SLC9A9: variants seen among roughly 807,000 people sequenced by gnomAD.
SLC9A9 encodes the protein solute carrier family 9 member A9.
In SLC9A9, 62 loss-of-function variants were observed where a neutral mutation model predicts 77.8. That is an observed-to-expected ratio of 0.80 (90% CI 0.65 to 0.98). The LOEUF is 0.98. SLC9A9 is among the 50% of genes least tolerant of loss of function. The pLI is 0.00. For synonymous variants in SLC9A9, 320 were observed against 283.5 expected, an observed-to-expected ratio of 1.13 and a Z score of -1.29; for missense variants, 775 against 774.9, an observed-to-expected ratio of 1.00 and a Z score of 0.00.
At chr3:143,408,206 T>G (rs1169367487) in intron 12 of SLC9A9, among the ~76,000 whole-genome samples, 1 of 152,192 alleles carries the variant, frequency 6.6e-6, no homozygotes, top group Non-Finnish European at 1.5e-5. Flanking sequence ...AGAATCTGGC[T>G]GGGGGATGTG....
At chr3:143,730,514 T>C (rs1048855750) in intron 4 of SLC9A9, among the ~76,000 whole-genome samples, 2 of 152,172 alleles carry the variant, frequency 1.3e-5, no homozygotes, top group Non-Finnish European at 2.9e-5. Context: ...CTGGCCAAGT[T>C]CTGATCATTC....
intron 14 of SLC9A9, among the ~76,000 whole-genome samples, chr3:143,300,309 T>C (rs950017591): frequency 4.6e-5 from 7 of 152,192 alleles, no homozygotes; most frequent in African/African-American, 1.7e-4. Context: ...GTAGAGCACT[T>C]GACATGCATA....
intron 6 of SLC9A9, among the ~76,000 whole-genome samples, chr3:143,596,115 G>C (rs1225228046): frequency 3.9e-5 from 6 of 152,114 alleles, no homozygotes; most frequent in Non-Finnish European, 8.8e-5. Flanking sequence ...AAACAAACCA[G>C]GGTACGACAT....
At chr3:143,502,748 G>C (rs985997510) in intron 9 of SLC9A9, among the ~76,000 whole-genome samples, 1 of 151,990 alleles carries the variant, frequency 6.6e-6, no homozygotes, top group African/African-American at 2.4e-5. Flanking sequence ...CGTTGAAACC[G>C]AGATGTTAAA....
intron 9 of SLC9A9, among the ~76,000 whole-genome samples, chr3:143,550,373 T>C (rs577989603): frequency 1.3e-5 from 2 of 152,286 alleles, no homozygotes; most frequent in South Asian, 2.1e-4. Context: ...TTCTCCATCA[T>C]TGCCTATGTC....
intron 5 of SLC9A9, among the ~76,000 whole-genome samples, chr3:143,690,895 A>G (rs2108780718): frequency 6.6e-6 from 1 of 152,320 alleles, no homozygotes; most frequent in South Asian, 2.1e-4. Context: ...TAATAAATGC[A>G]AAAGGTAGGA....
chr3:143,752,965 A>G (rs1279020220), intron 4 of SLC9A9, among the ~76,000 whole-genome samples: 3 of 152,180 alleles, frequency 2.0e-5, no homozygotes, highest in African/African-American at 7.2e-5. Context: ...TGATGATCCT[A>G]TTCTGAAAAG....
intron 4 of SLC9A9, among the ~76,000 whole-genome samples, chr3:143,739,048 G>T (rs1241642704): frequency 6.6e-6 from 1 of 152,138 alleles, no homozygotes; most frequent in African/African-American, 2.4e-5. Flanking sequence ...TCAATCTCCA[G>T]CCTGTCTCTC....
At chr3:143,686,449 C>A (rs1933267664) in intron 5 of SLC9A9, among the ~76,000 whole-genome samples, 1 of 151,946 alleles carries the variant, frequency 6.6e-6, no homozygotes, top group Non-Finnish European at 1.5e-5. Flanking sequence ...GGTGTCTGGG[C>A]AAGGGGGTGC....
chr3:143,607,097 C>CA (rs1222995862), intron 6 of SLC9A9, among the ~76,000 whole-genome samples: 1 of 151,102 alleles, frequency 6.6e-6, no homozygotes, highest in Admixed American at 6.6e-5. Flanking sequence ...AAAATAAATA[C>CA]AAAAAAATAT....
intron 5 of SLC9A9, among the ~76,000 whole-genome samples, chr3:143,681,329 G>C (rs182576615): frequency 6.6e-6 from 1 of 151,956 alleles, no homozygotes; most frequent in East Asian, 1.9e-4. Context: ...TATTAGTAAC[G>C]CTGCCGCATA....
At chr3:143,702,551 C>CA (rs34465744) in intron 4 of SLC9A9, among the ~76,000 whole-genome samples, 15 of 150,598 alleles carry the variant, frequency 1.0e-4, no homozygotes, top group Admixed American at 2.0e-4. Flanking sequence ...AACTGCAAAT[C>CA]AAAAAAAAAT....
At chr3:143,839,104 G>A (rs1036679131) in intron 1 of SLC9A9, among the ~76,000 whole-genome samples, 9 of 152,064 alleles carry the variant, frequency 5.9e-5, no homozygotes, top group Non-Finnish European at 1.2e-4. Flanking sequence ...TAGTAACAAC[G>A]TACAATGCCT....
intron 12 of SLC9A9, among the ~76,000 whole-genome samples, chr3:143,395,219 C>T (rs2033696943): frequency 6.6e-6 from 1 of 152,126 alleles, no homozygotes; most frequent in Non-Finnish European, 1.5e-5. Context: ...CTACAGTAAC[C>T]AAAACAGCAT....
intron 14 of SLC9A9, among the ~76,000 whole-genome samples, chr3:143,325,959 T>C (rs2031589282): frequency 6.6e-6 from 1 of 152,224 alleles, no homozygotes; most frequent in South Asian, 2.1e-4. Flanking sequence ...ATATCTGTTT[T>C]TTAATGGTTG....
At chr3:143,400,658 C>T (rs928625741) in intron 12 of SLC9A9, among the ~76,000 whole-genome samples, 1 of 150,728 alleles carries the variant, frequency 6.6e-6, no homozygotes, top group African/African-American at 2.4e-5. Context: ...TAAGCAAATA[C>T]CACCTGTTTC....
At chr3:143,602,523 A>G (rs934435065) in intron 6 of SLC9A9, among the ~76,000 whole-genome samples, 41 of 152,242 alleles carry the variant, frequency 2.7e-4, no homozygotes, top group Non-Finnish European at 5.3e-4. Context: ...ATGCTTAAAT[A>G]TCTTAATTTA....
At chr3:143,538,269 C>G (rs974044237) in intron 9 of SLC9A9, among the ~76,000 whole-genome samples, 1 of 152,116 alleles carries the variant, frequency 6.6e-6, no homozygotes, top group Admixed American at 6.5e-5. Context: ...CTTTTAGTCT[C>G]TAGTATGCTT....
chr3:143,562,359 G>C (rs1185522827), intron 8 of SLC9A9, among the ~76,000 whole-genome samples: 2 of 152,124 alleles, frequency 1.3e-5, no homozygotes, highest in African/African-American at 4.8e-5. Flanking sequence ...AAAAATTTGG[G>C]AGTGCAGGTT....
Sources: gnomAD v4.1 joint callset for allele counts (sites outside exome capture counted in the v4.1 genomes callset) on GRCh38, gnomAD v4.1.1 for gene constraint, MANE v1.5 for transcripts, NCBI Gene and HGNC (gene_info 2026-07-23, HGNC 2026-07-21) for gene names.